Variants in CDH23 observed in about 807,000 individuals in gnomAD.
CDH23 encodes the protein cadherin related 23.
In CDH23, 189 loss-of-function variants were observed where a neutral mutation model predicts 317.1. The observed-to-expected ratio is 0.60, with a 90% CI of 0.53 to 0.67. The LOEUF (loss-of-function observed/expected upper bound fraction) is 0.67. Ranked by LOEUF, CDH23 falls within the 30% of genes least tolerant of loss-of-function variation. CDH23 has a pLI of 0.00. For synonymous variants in CDH23, 1,839 were observed against 1,876.8 expected, an observed-to-expected ratio of 0.98 and a Z score of 0.52; for missense variants, 4,401 against 4,592.4, an observed-to-expected ratio of 0.96 and a Z score of 1.20.
intron 18 of CDH23, 23 bp from the exon 19 acceptor site, chr10:71,687,624 C>A (rs1016924112): frequency 1.9e-6 from 3 of 1,612,880 alleles, no homozygotes; most frequent in African/African-American, 2.7e-5. Flanking sequence ...CAGCCTCCTG[C>A]AACCTGTCTG....
chr10:71,799,851 A>G (rs1043514778), intron 52 of CDH23, among the ~76,000 whole-genome samples: 5 of 152,208 alleles, frequency 3.3e-5, no homozygotes, highest in African/African-American at 1.2e-4. Flanking sequence ...GGAAGTGGCC[A>G]AGTCTTTTGG....
At chr10:71,767,226 C>A (rs1213776812) in intron 38 of CDH23, among the ~76,000 whole-genome samples, 4 of 152,224 alleles carry the variant, frequency 2.6e-5, no homozygotes, top group Admixed American at 2.0e-4. Flanking sequence ...CCCCGGGTGA[C>A]CCCTGTGAGT....
At chr10:71,640,615 G>T (rs1862496202) in intron 11 of CDH23, among the ~76,000 whole-genome samples, 1 of 152,218 alleles carries the variant, frequency 6.6e-6, no homozygotes, top group South Asian at 2.1e-4. Flanking sequence ...GGGCGTGGTG[G>T]CGCATGCCTG....
In CDH23 at chr10:71,793,169, C is replaced by A; in HGVS notation, c.6254-13C>A. The A allele has an allele frequency of 1.3e-6, 2 of 1,599,212 alleles. No individual in the cohort carries two copies. The highest frequency in any genetic ancestry group is 1.1e-5 in the South Asian group (1 of 89,702). On this transcript the variant is annotated splice_polypyrimidine_tract_variant and intron_variant, in intron 47 of 69. Transcript: ENST00000224721. ...CCACTGTGCGCAGCTACTCCCTTTT[C>A]CCTCTCCAACAGGATTCTCAGTCCT... is the stretch of plus-strand genomic sequence containing the variant.
rs117583072 is a variant in CDH23 at position 71,659,116 on chromosome 10, G to A, written c.1449+12499G>A. 8.3e-3 allele frequency among the ~76,000 whole-genome samples: 1,271 copies of A among 152,328 alleles called. 7 individuals carry two copies. Among genetic ancestry groups the A allele is most frequent in the Non-Finnish European group, 0.013 (880 of 68,028 alleles). ...TCAGAAGTCACCCTTCAGTAGGTTC[G>A]CTGCTGATTGTTCCTGCTCAGACAA... On this transcript the variant is annotated intron_variant, in intron 14 of 69. Coordinates refer to ENST00000224721, the MANE Select transcript of CDH23 (RefSeq NM_022124.6).
intron 38 of CDH23, among the ~76,000 whole-genome samples, chr10:71,768,013 C>G (rs1427512527): frequency 1.3e-5 from 2 of 152,204 alleles, no homozygotes; most frequent in Non-Finnish European, 2.9e-5. Flanking sequence ...TGGAGGAGGA[C>G]TGTGTGCAGC....
chr10:71,415,800 G>T (rs1848509352), intron 1 of CDH23, among the ~76,000 whole-genome samples: 1 of 152,118 alleles, frequency 6.6e-6, no homozygotes, highest in Non-Finnish European at 1.5e-5. Flanking sequence ...AGCATTTGGG[G>T]ATTTCATACT....
At chr10:71,578,661 A>G (rs1858406111) in intron 9 of CDH23, among the ~76,000 whole-genome samples, 1 of 152,128 alleles carries the variant, frequency 6.6e-6, no homozygotes, top group South Asian at 2.1e-4. Context: ...GTTTTAGAGC[A>G]AGGTTGCCTT....
intron 6 of CDH23, among the ~76,000 whole-genome samples, chr10:71,545,809 A>G (rs1262477371): frequency 6.6e-6 from 1 of 152,164 alleles, no homozygotes; most frequent in Non-Finnish European, 1.5e-5. Context: ...AGGACATGTG[A>G]GCAGAGACCT....
chr10:71,577,845 C>T (rs1858322879), intron 8 of CDH23, 69 bp from the exon 9 acceptor site: 6 of 1,337,460 alleles, frequency 4.5e-6, no homozygotes, highest in Non-Finnish European at 4.2e-6. Context: ...GCTGTGGGTG[C>T]CATGATAGCT....
At chr10:71,667,666 C>T (rs1016670201) in intron 14 of CDH23, among the ~76,000 whole-genome samples, 14 of 151,754 alleles carry the variant, frequency 9.2e-5, no homozygotes, top group African/African-American at 3.1e-4. Flanking sequence ...GGTGGGGGAC[C>T]CTGTTCCAGG....
intron 34 of CDH23, among the ~76,000 whole-genome samples, chr10:71,735,929 C>T (rs1839551772): frequency 6.6e-6 from 1 of 152,276 alleles, no homozygotes. Context: ...CCACTCCCAG[C>T]CAAGGGGCAG....
chr10:71,523,971 C>T (rs1444941219), intron 6 of CDH23, among the ~76,000 whole-genome samples: 1 of 152,232 alleles, frequency 6.6e-6, no homozygotes, highest in African/African-American at 2.4e-5. Flanking sequence ...GGCCTTTCTA[C>T]TTCCCTGGAA....
At chr10:71,425,232 G>GGAGAGAGA (rs748338206) in intron 1 of CDH23, among the ~76,000 whole-genome samples, 4 of 73,906 alleles carry the variant, frequency 5.4e-5, no homozygotes, top group East Asian at 4.3e-4. Flanking sequence ...AGAGAGAGAG[G>GGAGAGAGA]GAGAGAGAGA....
At chr10:71,806,303 G>A (rs2132985282) in intron 57 of CDH23, 22 bp downstream of exon 57, 1 of 1,506,434 alleles carries the variant, frequency 6.6e-7, no homozygotes, top group Non-Finnish European at 9.0e-7. Flanking sequence ...CACCTCCTGC[G>A]CTGGTCACAC....
chr10:71,456,495 G>A (rs910357977), intron 3 of CDH23, among the ~76,000 whole-genome samples: 5 of 142,644 alleles, frequency 3.5e-5, no homozygotes, highest in Non-Finnish European at 7.4e-5. Flanking sequence ...GCCTGTGGCA[G>A]CCCCGGCTAT....
chr10:71,704,684 G>A (rs569471728), intron 24 of CDH23, among the ~76,000 whole-genome samples: 6 of 152,256 alleles, frequency 3.9e-5, no homozygotes, highest in Admixed American at 6.5e-5. Context: ...CCCCATCACC[G>A]GCCTCACTTG....
chr10:71,533,045 T>A (rs1348972309), intron 6 of CDH23, among the ~76,000 whole-genome samples: 2 of 152,162 alleles, frequency 1.3e-5, no homozygotes, highest in African/African-American at 4.8e-5. Flanking sequence ...TATTTTTAAT[T>A]GTCTGTGTGT....
At chr10:71,666,206 C>T (rs1335770015) in intron 14 of CDH23, among the ~76,000 whole-genome samples, 2 of 152,006 alleles carry the variant, frequency 1.3e-5, no homozygotes, top group Non-Finnish European at 2.9e-5. Context: ...AGCCCCCCTT[C>T]CCAGTAGCAC....
Sources: allele counts gnomAD v4.1 joint callset (sites outside exome capture counted in the v4.1 genomes callset), GRCh38; gene constraint gnomAD v4.1.1; transcripts MANE v1.5; gene names NCBI Gene and HGNC (gene_info 2026-07-23, HGNC 2026-07-21).